Variants in GRTP1 observed in about 807,000 individuals in gnomAD.
The protein encoded by GRTP1 is growth hormone regulated TBC protein 1.
In GRTP1, 56 loss-of-function variants were observed where a neutral mutation model predicts 38.1. The ratio of observed to expected loss-of-function variants is 1.47; its 90% CI spans 1.19 to 1.84. The LOEUF (loss-of-function observed/expected upper bound fraction) is 1.84, where lower values mean the gene tolerates loss of function less well. Among genes scored for constraint, GRTP1 ranks in the 40% most tolerant of loss-of-function variants. The pLI, the probability that GRTP1 is intolerant of heterozygous loss-of-function variation, is 0.00. For synonymous variants in GRTP1, 217 were observed against 189.5 expected (o/e 1.14, Z -1.19); for missense variants, 506 against 453.9 (o/e 1.11, Z -1.04).
rs1378695043 is a variant in GRTP1, at chr13:113,364,019, C to A, written c.32+1G>T. On this transcript the variant is annotated splice_donor_variant, in intron 1 of 7. Coordinates refer to ENST00000375431, the MANE Select transcript of GRTP1 (RefSeq NM_024719.4). LOFTEE classifies it high-confidence loss of function. ...GGACGCCCGCACCCCGCGCCACACA[C>A]CTGGGGACCCGCGAGCGCTCGGCGG... is the stretch of plus-strand genomic sequence containing the variant. 12 of 1,327,226 alleles carry A rather than the reference C, an allele frequency of 9.0e-6. No homozygotes were observed. The highest frequency in any genetic ancestry group is 1.1e-5 in the Non-Finnish European group (11 of 1,042,176). The allele number at this position is 1,327,226 out of a possible 1,614,324, so 82.2% of individuals were successfully genotyped here. A position where few individuals can be genotyped will look rare whatever the true frequency, so the allele number is the denominator to read the frequency against.
Position 113,342,882 on chromosome 13 carries a change from C to T in GRTP1, c.562+1981G>A, listed in dbSNP as rs886846273. Among the ~76,000 whole-genome samples, 6 of 152,084 alleles carry T rather than the reference C, an allele frequency of 3.9e-5. No homozygotes were observed. Among genetic ancestry groups the T allele is most frequent in the Admixed American group, 2.0e-4 (3 of 15,266 alleles). Reference sequence around the variant, plus strand: ...TTCAACTTAATCTCATAATGAATATCGGAAGTGACGTCGTACGGACTGAAA... The same window carrying T: ...TTCAACTTAATCTCATAATGAATATTGGAAGTGACGTCGTACGGACTGAAA... On this transcript the variant is annotated intron_variant, in intron 5 of 7. Transcript: ENST00000375431. The surrounding 1 kb of genome is among the most constrained non-coding windows in gnomAD (Gnocchi z 4.5).
At chr13:113,347,747 T>C (rs111525545) in intron 4 of GRTP1, among the ~76,000 whole-genome samples, 4 of 100,246 alleles carry the variant, frequency 4.0e-5, no homozygotes, top group African/African-American at 4.2e-5. Flanking sequence ...CAAGAACAGA[T>C]CCGGGAGGAC....
chr13:113,327,199 CGGAGTCTCGCTCTGT>C (rs2042787412), intron 5 of GRTP1, among the ~76,000 whole-genome samples: 1 of 151,864 alleles, frequency 6.6e-6, no homozygotes, highest in Non-Finnish European at 1.5e-5. Flanking sequence ...TTTTTTGAGA[CGGAGTCTCGCTCTGT>C]CACCGAGGCT....
At chr13:113,341,858 G>A (rs1228890836) in intron 5 of GRTP1, among the ~76,000 whole-genome samples, 3 of 152,114 alleles carry the variant, frequency 2.0e-5, no homozygotes, top group African/African-American at 7.2e-5. Flanking sequence ...TCACTTTATT[G>A]CCCAGGCTGG....
chr13:113,359,444 G>C (rs895209533), intron 2 of GRTP1, among the ~76,000 whole-genome samples: 6 of 152,176 alleles, frequency 3.9e-5, no homozygotes, highest in African/African-American at 1.2e-4. Flanking sequence ...AATTAGCTGG[G>C]CATGGTGGTG....
Position 113,333,802 on chromosome 13 carries a change from C to CT in GRTP1, c.563-7712dup, listed in dbSNP as rs1555314826. 2.4e-5 allele frequency among the ~76,000 whole-genome samples: 3 copies of CT among 124,900 alleles called. No homozygotes were observed. In the South Asian group the frequency reaches 7.9e-4, roughly 33 times the overall value. The allele number at this position is 124,900 out of a possible 152,430, so 81.9% of individuals were successfully genotyped here. On this transcript the variant is annotated intron_variant, in intron 5 of 7. Coordinates refer to ENST00000375431, the MANE Select transcript of GRTP1 (RefSeq NM_024719.4). ...CACCACGCCCATCTCAGTGCCTGTA[C>CT]TTTATTTATTTATTTATTTATTTAT...
At chr13:113,333,834 A>ATTTATTTG (rs1566418510) in intron 5 of GRTP1, among the ~76,000 whole-genome samples, 2 of 92,040 alleles carry the variant, frequency 2.2e-5, no homozygotes, top group Non-Finnish European at 4.1e-5. Context: ...TTATTTATTT[A>ATTTATTTG]TTTAGTGTGT....
intron 5 of GRTP1, among the ~76,000 whole-genome samples, chr13:113,326,924 T>C (rs1011162757): frequency 6.6e-6 from 1 of 152,154 alleles, no homozygotes; most frequent in East Asian, 1.9e-4. Context: ...TCTGGGAAGA[T>C]GAAACAGCTC....
intron 5 of GRTP1, among the ~76,000 whole-genome samples, chr13:113,334,996 G>A (rs1288159668): frequency 6.6e-6 from 1 of 151,638 alleles, no homozygotes; most frequent in Non-Finnish European, 1.5e-5. Context: ...CTAATTTTTT[G>A]TATTTTTAGT....
intron 5 of GRTP1, among the ~76,000 whole-genome samples, chr13:113,335,462 C>T (rs7337252): frequency 0.98 from 148,284 of 152,060 alleles, 72,417 homozygotes; most frequent in East Asian, 1. Flanking sequence ...ACGGATCCAC[C>T]CACATTTACC....
chr13:113,338,546 G>A (rs2042985354), intron 5 of GRTP1, among the ~76,000 whole-genome samples: 1 of 152,082 alleles, frequency 6.6e-6, no homozygotes, highest in Non-Finnish European at 1.5e-5. Context: ...CTCAGCCCGG[G>A]GATGGGATCT....
In GRTP1 at chr13:113,326,177, A is replaced by C. The variant is rs906325923; in HGVS notation, c.563-86T>G. On this transcript the variant is annotated intron_variant, in intron 5 of 7. Transcript: ENST00000375431. The stretch of plus-strand genomic sequence containing the variant: ...CCCCTCAGAGCCAGACAAAGACAAC[A>C]GGGCCACCCTGGGAGGACCCCTCCC... The C allele has an allele frequency of 1.1e-5, 16 of 1,522,722 alleles. No individual in the cohort carries two copies. The Admixed American group carries it at 2.7e-4, about 26-fold the overall frequency. The allele number at this position is 1,522,722 out of a possible 1,614,324, so 94.3% of individuals were successfully genotyped here. A position where few individuals can be genotyped will look rare whatever the true frequency, so the allele number is the denominator to read the frequency against.
At chr13:113,345,890 A>G (rs1012975467) in intron 4 of GRTP1, among the ~76,000 whole-genome samples, 1 of 152,028 alleles carries the variant, frequency 6.6e-6, no homozygotes, top group African/African-American at 2.4e-5. Context: ...GAAGATGACG[A>G]TGGAAGCTCT....
chr13:113,357,419 T>G (rs1269882232), intron 2 of GRTP1, among the ~76,000 whole-genome samples: 1 of 120,076 alleles, frequency 8.3e-6, no homozygotes, highest in African/African-American at 3.3e-5. Flanking sequence ...CACTCCAGCC[T>G]GGCGACAGAG....
chr13:113,341,122 C>A (rs1358610371), intron 5 of GRTP1, among the ~76,000 whole-genome samples: 1 of 151,750 alleles, frequency 6.6e-6, no homozygotes, highest in Non-Finnish European at 1.5e-5. Flanking sequence ...TCTTGGCTCA[C>A]TACAGCCTGT....
chr13:113,356,465 A>G (rs983029005), intron 2 of GRTP1, among the ~76,000 whole-genome samples: 1 of 151,974 alleles, frequency 6.6e-6, no homozygotes, highest in African/African-American at 2.4e-5. Context: ...ACAGGATTTC[A>G]CCATGTTGGC....
chr13:113,332,491 A>G (rs951683704), intron 5 of GRTP1, among the ~76,000 whole-genome samples: 3 of 152,002 alleles, frequency 2.0e-5, no homozygotes, highest in Admixed American at 1.3e-4. Context: ...GCAGAGCTGC[A>G]CACTCACTGC....
At chr13:113,362,737 G>A (rs985170554) in intron 2 of GRTP1, among the ~76,000 whole-genome samples, 18 of 152,146 alleles carry the variant, frequency 1.2e-4, no homozygotes, top group African/African-American at 3.4e-4. Context: ...CCTCCGCCCA[G>A]GTGCAGGGCC....
intron 5 of GRTP1, among the ~76,000 whole-genome samples, chr13:113,328,677 A>G (rs1238857859): frequency 1.3e-5 from 2 of 152,142 alleles, no homozygotes; most frequent in Non-Finnish European, 2.9e-5. Flanking sequence ...GCACCACCAC[A>G]CCCAGCTAAT....
Sources: gnomAD v4.1 joint callset for allele counts (sites outside exome capture counted in the v4.1 genomes callset) on GRCh38, gnomAD v4.1.1 for gene constraint, Gnocchi (gnomAD v3.1) non-coding constraint, MANE v1.5 for transcripts, NCBI Gene and HGNC (gene_info 2026-07-23, HGNC 2026-07-21) for gene names.